TNKS2: variants seen among roughly 807,000 people sequenced by gnomAD.
TNKS2 encodes tankyrase 2.
In TNKS2, 72 loss-of-function variants were observed where a neutral mutation model predicts 137.6. The observed-to-expected ratio is 0.52, with a 90% CI of 0.43 to 0.64. TNKS2 has a LOEUF of 0.64. TNKS2 is among the 30% of genes least tolerant of loss of function. The pLI is 0.00. For missense variants in TNKS2, 1,049 were observed against 1,410.2 expected (o/e 0.74, Z 4.10); for synonymous variants, 516 against 512.1 (o/e 1.01, Z -0.10).
intron 3 of TNKS2, among the ~76,000 whole-genome samples, chr10:91,817,902 T>G (rs554513631): frequency 2.6e-5 from 4 of 152,368 alleles, no homozygotes; most frequent in African/African-American, 9.6e-5. Flanking sequence ...CCATGTTGTT[T>G]ACCAGATTCT....
chr10:91,812,872 T>C, intron 1 of TNKS2, 111 bp from the exon 2 acceptor site: 1 of 1,468,254 alleles, frequency 6.8e-7, no homozygotes, highest in Non-Finnish European at 9.1e-7. Context: ...TCTTGAATTG[T>C]TGAGTCTGTT....
intron 12 of TNKS2, 78 bp from the exon 13 acceptor site, chr10:91,836,838 CTGA>C: frequency 6.6e-7 from 1 of 1,515,558 alleles, no homozygotes; most frequent in Non-Finnish European, 8.8e-7. Context: ...ACTTTGCTTT[CTGA>C]TGAGATGCCT....
At chr10:91,823,181 C>T (rs1844955944) in intron 7 of TNKS2, among the ~76,000 whole-genome samples, 1 of 152,032 alleles carries the variant, frequency 6.6e-6, no homozygotes, top group African/African-American at 2.4e-5. Context: ...GATATAATAG[C>T]AAGATTTGCC....
chr10:91,823,224 G>A (rs925637668), intron 7 of TNKS2, among the ~76,000 whole-genome samples: 33 of 151,978 alleles, frequency 2.2e-4, no homozygotes, highest in African/African-American at 8.0e-4. Context: ...GGCCGATTTG[G>A]TAAGGTTCAC....
chr10:91,821,258 C>T (rs775600583), intron 6 of TNKS2, among the ~76,000 whole-genome samples: 8 of 151,856 alleles, frequency 5.3e-5, no homozygotes, highest in Non-Finnish European at 1.0e-4. Flanking sequence ...GGCTCAAACT[C>T]CTGACCTCAG....
chr10:91,823,572 C>G (rs752548538), intron 7 of TNKS2, among the ~76,000 whole-genome samples: 1 of 152,054 alleles, frequency 6.6e-6, no homozygotes, highest in Non-Finnish European at 1.5e-5. Flanking sequence ...AGTGATCTGC[C>G]TGCCTCAGCC....
chr10:91,833,701 C>G (rs992499825), intron 11 of TNKS2, 152 bp from the exon 12 acceptor site: 9 of 595,366 alleles, frequency 1.5e-5, no homozygotes, highest in African/African-American at 1.3e-4. Context: ...AATTTATTCT[C>G]TAGATTTGAG....
intron 1 of TNKS2, among the ~76,000 whole-genome samples, chr10:91,804,211 A>G (rs1342801417): frequency 1.3e-5 from 2 of 152,180 alleles, no homozygotes; most frequent in South Asian, 4.1e-4. Context: ...CCAGCAGAGT[A>G]TTAGACATGC....
At chr10:91,809,861 A>G (rs1564603728) in intron 1 of TNKS2, among the ~76,000 whole-genome samples, 1 of 152,102 alleles carries the variant, frequency 6.6e-6, no homozygotes, top group Non-Finnish European at 1.5e-5. Flanking sequence ...TTCTGTAACT[A>G]ATGATGTGTT....
chr10:91,850,409 G>C (rs570690874), intron 20 of TNKS2, among the ~76,000 whole-genome samples: 1 of 147,482 alleles, frequency 6.8e-6, no homozygotes, highest in African/African-American at 2.5e-5. Flanking sequence ...TCAAGTTTTA[G>C]CATAGATTTT....
intron 18 of TNKS2, among the ~76,000 whole-genome samples, chr10:91,848,026 T>A (rs1842430997): frequency 6.6e-6 from 1 of 152,246 alleles, no homozygotes; most frequent in South Asian, 2.1e-4. Flanking sequence ...ATATCCCTTA[T>A]CGGAAATGCT....
At chr10:91,852,961 A>G (rs1252757189) in intron 21 of TNKS2, among the ~76,000 whole-genome samples, 1 of 152,218 alleles carries the variant, frequency 6.6e-6, no homozygotes, top group Non-Finnish European at 1.5e-5. Flanking sequence ...TAAGATAAAG[A>G]GGAGGGAAAG....
chr10:91,799,492 G>T (rs563214775), intron 1 of TNKS2, among the ~76,000 whole-genome samples: 3 of 152,302 alleles, frequency 2.0e-5, no homozygotes, highest in Non-Finnish European at 1.5e-5. Flanking sequence ...GGTGCGGGAA[G>T]CCTTAGACAC....
At chr10:91,816,199 C>T (rs996685840) in intron 2 of TNKS2, among the ~76,000 whole-genome samples, 3 of 151,992 alleles carry the variant, frequency 2.0e-5, no homozygotes, top group African/African-American at 4.8e-5. Context: ...CTGCCCGCCT[C>T]GGCCTCCCAA....
At chr10:91,856,890 T>G (rs965619285) in intron 23 of TNKS2, among the ~76,000 whole-genome samples, 3 of 151,814 alleles carry the variant, frequency 2.0e-5, no homozygotes, top group African/African-American at 7.3e-5. Context: ...ATTTTGTTCC[T>G]AGAAATACTC....
chr10:91,818,335 T>A (rs1053358427), intron 3 of TNKS2, among the ~76,000 whole-genome samples: 2 of 152,178 alleles, frequency 1.3e-5, no homozygotes, highest in African/African-American at 4.8e-5. Flanking sequence ...AAAGAGTTCA[T>A]AGTTAATCCT....
rs77722064 is a variant in TNKS2, at chr10:91,814,736, G to A, written c.424+1529G>A. ...CATGCTGTTCAGGTTTGTAGCCTAG[G>A]AGGAGTAGGCTATACCATGTAGCCT... On this transcript the variant is annotated intron_variant, in intron 2 of 26. Transcript: ENST00000371627. 3.6e-3 allele frequency among the ~76,000 whole-genome samples: 544 copies of A among 152,318 alleles called. 3 individuals are homozygous for A. Among genetic ancestry groups the A allele is most frequent in the African/African-American group, 0.012 (502 of 41,572 alleles).
intron 7 of TNKS2, among the ~76,000 whole-genome samples, chr10:91,823,773 C>A (rs1844982728): frequency 6.6e-6 from 1 of 152,184 alleles, no homozygotes; most frequent in East Asian, 1.9e-4. Flanking sequence ...CCACTTTCAG[C>A]AGCTGTTACG....
At chr10:91,804,503 C>T (rs558731247) in intron 1 of TNKS2, among the ~76,000 whole-genome samples, 40 of 152,298 alleles carry the variant, frequency 2.6e-4, no homozygotes, top group Non-Finnish European at 4.3e-4. Context: ...CCTGAGCAGC[C>T]ATGACTACCA....
Sources: gnomAD v4.1 joint callset for allele counts (sites outside exome capture counted in the v4.1 genomes callset) on GRCh38, gnomAD v4.1.1 for gene constraint, MANE v1.5 for transcripts, NCBI Gene and HGNC (gene_info 2026-07-23, HGNC 2026-07-21) for gene names.